Variants in FAM171B observed in about 807,000 individuals in gnomAD.
FAM171B encodes the protein protein FAM171B.
Under a neutral mutation model 75.6 loss-of-function variants are expected in FAM171B, and 19 were observed. The ratio of observed to expected loss-of-function variants is 0.25; its 90% CI spans 0.18 to 0.37. The LOEUF is 0.37. Ranked by LOEUF, FAM171B falls within the 10% of genes least tolerant of loss-of-function variation. FAM171B has a pLI of 1.00. For missense variants in FAM171B, 848 were observed against 982.4 expected, an observed-to-expected ratio of 0.86 and a Z score of 1.83; for synonymous variants, 367 against 361.7, an observed-to-expected ratio of 1.01 and a Z score of -0.17.
At chr2:186,756,943 T>A (rs547473631) in intron 6 of FAM171B, among the ~76,000 whole-genome samples, 1 of 152,140 alleles carries the variant, frequency 6.6e-6, no homozygotes, top group Non-Finnish European at 1.5e-5. Flanking sequence ...AAGAGGTACA[T>A]AGGGCAAGGT....
chr2:186,714,286 G>A (rs2105776190), intron 1 of FAM171B, among the ~76,000 whole-genome samples: 1 of 152,188 alleles, frequency 6.6e-6, no homozygotes. Context: ...TGAAATTTGA[G>A]GCTGGTTGAG....
intron 1 of FAM171B, among the ~76,000 whole-genome samples, chr2:186,716,747 G>C (rs1405976311): frequency 6.6e-6 from 1 of 152,142 alleles, no homozygotes; most frequent in African/African-American, 2.4e-5. Flanking sequence ...AACATTTCTA[G>C]GTCTGTTTAA....
intron 1 of FAM171B, among the ~76,000 whole-genome samples, chr2:186,737,024 T>C (rs1690212582): frequency 6.6e-6 from 1 of 152,252 alleles, no homozygotes; most frequent in Admixed American, 6.5e-5. Context: ...ACAAGCTCTG[T>C]ACTGGACACA....
chr2:186,722,639 G>A (rs902015119), intron 1 of FAM171B, among the ~76,000 whole-genome samples: 2 of 152,172 alleles, frequency 1.3e-5, no homozygotes, highest in African/African-American at 4.8e-5. Context: ...TCTGCTGCAG[G>A]ATAGAGAGGA....
chr2:186,756,247 C>T (rs368805610), intron 6 of FAM171B, among the ~76,000 whole-genome samples: 4 of 112,944 alleles, frequency 3.5e-5, no homozygotes, highest in South Asian at 6.2e-4. Context: ...AATTAGAGAC[C>T]TTCTATAGTG....
At chr2:186,736,539 T>TGC (rs779673691) in intron 1 of FAM171B, among the ~76,000 whole-genome samples, 3 of 18,744 alleles carry the variant, frequency 1.6e-4, no homozygotes, top group Admixed American at 1.5e-3. Flanking sequence ...TGTTTGTGGC[T>TGC]GTGTGTGTGT....
intron 3 of FAM171B, among the ~76,000 whole-genome samples, chr2:186,744,616 C>T (rs1341515494): frequency 2.0e-5 from 3 of 152,176 alleles, no homozygotes; most frequent in Non-Finnish European, 4.4e-5. Context: ...CAACCTCTGC[C>T]TCCCGGGTTC....
intron 1 of FAM171B, among the ~76,000 whole-genome samples, chr2:186,722,100 A>C (rs1056419606): frequency 6.6e-6 from 1 of 152,192 alleles, no homozygotes; most frequent in African/African-American, 2.4e-5. Context: ...CTAATGCTGA[A>C]ATTGTAAACT....
intron 1 of FAM171B, among the ~76,000 whole-genome samples, chr2:186,720,553 T>C (rs1177708293): frequency 1.3e-5 from 2 of 152,034 alleles, no homozygotes; most frequent in Admixed American, 1.3e-4. Context: ...CACAATATGA[T>C]CTGAATTTTG....
chr2:186,704,565 A>G (rs1180795728), intron 1 of FAM171B, among the ~76,000 whole-genome samples: 3 of 152,160 alleles, frequency 2.0e-5, no homozygotes, highest in Non-Finnish European at 4.4e-5. Context: ...TTTTCATTCC[A>G]GTGTGGTAAC....
chr2:186,722,054 C>CA (rs2105779184), intron 1 of FAM171B, among the ~76,000 whole-genome samples: 1 of 152,216 alleles, frequency 6.6e-6, no homozygotes, highest in African/African-American at 2.4e-5. Context: ...CACAGCTTTA[C>CA]AAAGAACAAT....
chr2:186,758,390 T>C lies in FAM171B; in HGVS notation c.1013-2723T>C, dbSNP rs2682849. On this transcript the variant is annotated intron_variant, in intron 6 of 7. Transcript: ENST00000304698. ...ATCTTTTATCAAATTAGTGCAAAAT[T>C]TGAAAGATAAAATTAAAGAACTGGT... Among the ~76,000 whole-genome samples the C allele has an allele frequency of 9.3e-3, 1,410 of 152,208 alleles. 19 individuals carry two copies. The highest frequency in any genetic ancestry group is 0.032 in the African/African-American group (1,349 of 41,558).
chr2:186,722,042 A>C (rs911586908), intron 1 of FAM171B, among the ~76,000 whole-genome samples: 1 of 152,230 alleles, frequency 6.6e-6, no homozygotes, highest in African/African-American at 2.4e-5. Context: ...AGTTACTGAA[A>C]ACACAGCTTT....
At chr2:186,741,384 G>C (rs1160559073) in intron 2 of FAM171B, among the ~76,000 whole-genome samples, 4 of 152,050 alleles carry the variant, frequency 2.6e-5, no homozygotes, top group African/African-American at 4.8e-5. Context: ...ATAAAGTCCT[G>C]TATGTCATAA....
chr2:186,735,405 A>G (rs1301997806), intron 1 of FAM171B, among the ~76,000 whole-genome samples: 1 of 152,196 alleles, frequency 6.6e-6, no homozygotes, highest in Admixed American at 6.5e-5. Context: ...GCCAATCCTT[A>G]GGTTCTACAA....
chr2:186,737,165 C>T (rs564181981), intron 1 of FAM171B, among the ~76,000 whole-genome samples: 2 of 152,280 alleles, frequency 1.3e-5, no homozygotes, highest in South Asian at 4.1e-4. Flanking sequence ...TGACTGACTC[C>T]AGAACCCGTT....
chr2:186,753,953 C>A lies in FAM171B; in HGVS notation c.916C>A (p.Arg306=). The A allele has an allele frequency of 1.2e-6, 2 of 1,613,290 alleles. No individual in the cohort carries two copies. The highest frequency in any genetic ancestry group is 2.2e-5 in the South Asian group (2 of 91,022). Reference sequence around the variant, plus strand: ...TTTAGGTGCTTGGGTAAATCATGGTCGGGGAATGGTCAAGGAACATAACAA... The same window carrying A: ...TTTAGGTGCTTGGGTAAATCATGGTAGGGGAATGGTCAAGGAACATAACAA... ...MNTGAWVNHG[R]GMVKEHNNHL... Residue 306 remains arginine (R), a synonymous_variant, in exon 6 of 8, where the codon CGG becomes AGG. Transcript: ENST00000304698.
At chr2:186,711,509 A>T (rs1689808781) in intron 1 of FAM171B, among the ~76,000 whole-genome samples, 1 of 152,224 alleles carries the variant, frequency 6.6e-6, no homozygotes, top group Admixed American at 6.5e-5. Context: ...AAAACCAGCC[A>T]GGCTATTAAT....
At chr2:186,730,411 G>GTATA (rs1295608436) in intron 1 of FAM171B, among the ~76,000 whole-genome samples, 11 of 152,214 alleles carry the variant, frequency 7.2e-5, no homozygotes, top group Admixed American at 2.0e-4. Flanking sequence ...ATGTATGTAT[G>GTATA]TATAAAACCT....
Sources: gnomAD v4.1 joint callset for allele counts (sites outside exome capture counted in the v4.1 genomes callset) on GRCh38, gnomAD v4.1.1 for gene constraint, MANE v1.5 for transcripts, NCBI Gene and HGNC (gene_info 2026-07-23, HGNC 2026-07-21) for gene names.